The following MARCHF1 variants were observed in gnomAD, a reference collection of about 807,000 sequenced individuals.
The protein encoded by MARCHF1 is membrane associated ring-CH-type finger 1, also known as E3 ubiquitin-protein ligase MARCHF1.
MARCHF1 carries 40 observed loss-of-function variants against 54.2 expected under a neutral mutation model. That is an observed-to-expected ratio of 0.74 (90% confidence interval 0.57 to 0.96). The LOEUF (loss-of-function observed/expected upper bound fraction) is 0.96. MARCHF1 is among the 40% of genes least tolerant of loss of function. The pLI, the probability that MARCHF1 is intolerant of heterozygous loss-of-function variation, is 0.00. For synonymous variants in MARCHF1, 236 were observed against 236.3 expected (o/e 1.00, Z 0.01); for missense variants, 586 against 656.5 (o/e 0.89, Z 1.17).
At chr4:164,217,757 G>T (rs1438205701) in intron 1 of MARCHF1, among the ~76,000 whole-genome samples, 5 of 152,160 alleles carry the variant, frequency 3.3e-5, no homozygotes, top group Admixed American at 6.5e-5. Context: ...TCCCCAGAAA[G>T]CCAAACTGAA....
intron 1 of MARCHF1, among the ~76,000 whole-genome samples, chr4:164,336,694 G>A (rs1371404886): frequency 6.6e-6 from 1 of 152,086 alleles, no homozygotes; most frequent in Non-Finnish European, 1.5e-5. Flanking sequence ...TGTAGGTGTG[G>A]CAGGCAACAA....
intron 3 of MARCHF1, among the ~76,000 whole-genome samples, chr4:163,967,628 G>C (rs974701315): frequency 1.3e-5 from 2 of 152,048 alleles, no homozygotes; most frequent in Non-Finnish European, 2.9e-5. Flanking sequence ...TCTTAGTCAG[G>C]GCTCTCCAGA....
chr4:163,648,570 C>G (rs1276843958), intron 5 of MARCHF1, among the ~76,000 whole-genome samples: 1 of 147,036 alleles, frequency 6.8e-6, no homozygotes, highest in Non-Finnish European at 1.5e-5. Context: ...AGTAATAGTA[C>G]CCCCATTCTA....
intron 1 of MARCHF1, among the ~76,000 whole-genome samples, chr4:164,199,673 CACACACACAG>C (rs1344992128): frequency 5.8e-4 from 35 of 60,732 alleles, no homozygotes; most frequent in African/African-American, 2.5e-3. Flanking sequence ...CACACACACA[CACACACACAG>C]AGAGAGAGAG....
intron 3 of MARCHF1, among the ~76,000 whole-genome samples, chr4:163,965,783 G>T (rs1379267469): frequency 3.9e-5 from 6 of 151,988 alleles, no homozygotes; most frequent in Non-Finnish European, 8.8e-5. Flanking sequence ...CTACATAACT[G>T]GAGCACATAA....
chr4:163,631,694 A>G (rs531098602), intron 5 of MARCHF1, among the ~76,000 whole-genome samples: 2 of 152,340 alleles, frequency 1.3e-5, no homozygotes, highest in South Asian at 2.1e-4. Context: ...TTTAATTAAG[A>G]ATATATTTAA....
intron 3 of MARCHF1, among the ~76,000 whole-genome samples, chr4:163,965,852 T>C (rs1752433185): frequency 6.6e-6 from 1 of 152,096 alleles, no homozygotes; most frequent in Non-Finnish European, 1.5e-5. Flanking sequence ...ATAGGTTCAA[T>C]CAGTATGTCC....
At chr4:163,604,593 A>C (rs753030868) in intron 7 of MARCHF1, among the ~76,000 whole-genome samples, 8 of 152,090 alleles carry the variant, frequency 5.3e-5, no homozygotes, top group Non-Finnish European at 1.2e-4. Context: ...TGATTTTCCA[A>C]AACACAAGTC....
At chr4:164,266,982 G>A (rs142050601) in intron 1 of MARCHF1, among the ~76,000 whole-genome samples, 3 of 152,224 alleles carry the variant, frequency 2.0e-5, no homozygotes, top group Non-Finnish European at 2.9e-5. Context: ...GGTGGTTACA[G>A]AGTGTGGGGT....
chr4:164,382,159 A>G (rs1731388982), intron 1 of MARCHF1, among the ~76,000 whole-genome samples: 1 of 152,192 alleles, frequency 6.6e-6, no homozygotes, highest in Non-Finnish European at 1.5e-5. Flanking sequence ...GTATTATCTC[A>G]CCCAGTTTCT....
At chr4:163,692,135 T>C (rs1412536467) in intron 5 of MARCHF1, among the ~76,000 whole-genome samples, 1 of 152,176 alleles carries the variant, frequency 6.6e-6, no homozygotes, top group Non-Finnish European at 1.5e-5. Context: ...TGTTAAGAAC[T>C]TATGTATTAT....
intron 1 of MARCHF1, among the ~76,000 whole-genome samples, chr4:164,144,100 C>G (rs546744939): frequency 5.2e-4 from 79 of 152,144 alleles, no homozygotes; most frequent in African/African-American, 1.6e-3. Flanking sequence ...GTAAAGGGAT[C>G]AATTCAACAA....
chr4:163,671,681 G>A (rs1470157106), intron 5 of MARCHF1, among the ~76,000 whole-genome samples: 1 of 152,012 alleles, frequency 6.6e-6, no homozygotes, highest in Admixed American at 6.6e-5. Context: ...GTATTTGTAA[G>A]TAAATGTATT....
At chr4:164,002,898 C>T (rs2110921328) in intron 2 of MARCHF1, among the ~76,000 whole-genome samples, 1 of 151,846 alleles carries the variant, frequency 6.6e-6, no homozygotes, top group East Asian at 1.9e-4. Flanking sequence ...ATAAAAAAGC[C>T]TGTCAGGTAT....
At chr4:163,778,128 G>A (rs565248190) in intron 4 of MARCHF1, among the ~76,000 whole-genome samples, 83 of 151,884 alleles carry the variant, frequency 5.5e-4, no homozygotes, top group African/African-American at 1.8e-3. Context: ...AGCAGGATTC[G>A]ATTACATGGA....
intron 1 of MARCHF1, among the ~76,000 whole-genome samples, chr4:164,232,592 T>C (rs145662749): frequency 1.2e-3 from 188 of 152,330 alleles, no homozygotes; most frequent in African/African-American, 4.3e-3. Context: ...AACTGATTTA[T>C]AGCTTCTTTG....
chr4:164,349,349 T>C (rs758629507), intron 1 of MARCHF1, among the ~76,000 whole-genome samples: 6 of 152,216 alleles, frequency 3.9e-5, no homozygotes, highest in Non-Finnish European at 8.8e-5. Context: ...GCATTTTTAT[T>C]CCTCTCATCT....
At chr4:163,626,024 A>G (rs1200850026) in intron 5 of MARCHF1, among the ~76,000 whole-genome samples, 3 of 152,170 alleles carry the variant, frequency 2.0e-5, no homozygotes, top group Admixed American at 2.0e-4. Context: ...GAAGGGAAAA[A>G]TAACAATTGG....
chr4:164,294,444 C>T (rs890240215), intron 1 of MARCHF1, among the ~76,000 whole-genome samples: 6 of 152,160 alleles, frequency 3.9e-5, no homozygotes, highest in African/African-American at 9.6e-5. Flanking sequence ...GCCACACCAA[C>T]GGACTGGAGT....
Sources: gnomAD v4.1 joint callset for allele counts (sites outside exome capture counted in the v4.1 genomes callset) on GRCh38, gnomAD v4.1.1 for gene constraint, MANE v1.5 for transcripts, NCBI Gene and HGNC (gene_info 2026-07-23, HGNC 2026-07-21) for gene names.